The following HDAC4 variants were observed in gnomAD, a reference collection of about 807,000 sequenced individuals.
The protein encoded by HDAC4 is histone deacetylase A.
HDAC4 carries 16 observed loss-of-function variants against 135.1 expected under a neutral mutation model. The ratio of observed to expected loss-of-function variants is 0.12; its 90% confidence interval spans 0.08 to 0.18. The LOEUF (loss-of-function observed/expected upper bound fraction) is 0.18. HDAC4 is among the 10% of genes least tolerant of loss of function. The pLI is 1.00. For synonymous variants in HDAC4, 685 were observed against 653.4 expected (o/e 1.05, Z -0.74); for missense variants, 1,143 against 1,511.8 (o/e 0.76, Z 4.05).
chr2:239,327,026 G>T (rs2053489237), intron 2 of HDAC4, among the ~76,000 whole-genome samples: 1 of 152,220 alleles, frequency 6.6e-6, no homozygotes, highest in African/African-American at 2.4e-5. Context: ...ATCACTCACT[G>T]GCGGTGCACC....
chr2:239,120,398 C>CACACAGACGCACACACAG, intron 12 of HDAC4, among the ~76,000 whole-genome samples: 1 of 148,146 alleles, frequency 6.8e-6, no homozygotes, highest in South Asian at 2.3e-4. Flanking sequence ...CACAGACGCA[C>CACACAGACGCACACACAG]ACAGACACAC....
chr2:239,060,812 TGCCCCG>T (rs1362031832), intron 24 of HDAC4, among the ~76,000 whole-genome samples: 1 of 152,238 alleles, frequency 6.6e-6, no homozygotes, highest in African/African-American at 2.4e-5. Context: ...AGCCCGCACC[TGCCCCG>T]GCCCGGGCCC....
rs1252356910 is a variant in HDAC4 at position 239,050,805 on chromosome 2, AACGTG to A, written c.*2287_*2291del. On this transcript the variant is annotated 3_prime_UTR_variant, in exon 27 of 27. Coordinates refer to ENST00000543185, the MANE Select transcript of HDAC4 (RefSeq NM_001378414.1). ...GTGCTGGAAAATAAGTTACCAGTAA[AACGTG>A]ACTGTCAGTTACTGTTGAAGAGAAA... is the stretch of plus-strand genomic sequence containing the variant. 2 of 152,626 alleles carry A rather than the reference AACGTG, an allele frequency of 1.3e-5. No homozygotes were observed. Among genetic ancestry groups the A allele is most frequent in the African/African-American group, 4.8e-5 (2 of 41,438 alleles). The allele number at this position is 152,626 out of a possible 1,614,324, so 9.5% of individuals were successfully genotyped here.
rs189667838 is a variant in HDAC4 at position 239,252,980 on chromosome 2, C to T, written c.23-16316G>A. 3.9e-3 allele frequency among the ~76,000 whole-genome samples: 595 copies of T among 152,348 alleles called. 3 individuals are homozygous for T. The highest frequency in any genetic ancestry group is 6.6e-3 in the Non-Finnish European group (452 of 68,022). On this transcript the variant is annotated intron_variant, in intron 2 of 26. Transcript: ENST00000543185. The stretch of plus-strand genomic sequence containing the variant: ...GGAGAGCCCGCTGGCCACGGCGGCC[C>T]GCACTGCACACTTCCTAGCAGGCTT...
rs1166084091 is a variant in HDAC4 at position 239,331,895 on chromosome 2, G to A, written c.22+20783C>T. Among the ~76,000 whole-genome samples the A allele has an allele frequency of 2.0e-5, 3 of 152,162 alleles. No homozygotes were observed. Among genetic ancestry groups the A allele is most frequent in the African/African-American group, 7.2e-5 (3 of 41,432 alleles). ...GAAACGAACGCCAGACTGAGCGTGGGGGTGAGGAGAGCCCCGTGCCAGGAG... is the reference window on the plus strand; with the variant it reads ...GAAACGAACGCCAGACTGAGCGTGGAGGTGAGGAGAGCCCCGTGCCAGGAG... On this transcript the variant is annotated intron_variant, in intron 2 of 26. Coordinates refer to ENST00000543185, the MANE Select transcript of HDAC4 (RefSeq NM_001378414.1). This position sits in a 1 kb window ranked among gnomAD's most constrained non-coding sequence, Gnocchi z 4.5.
chr2:239,075,092 C>T (rs371996259), intron 22 of HDAC4, among the ~76,000 whole-genome samples: 21 of 151,792 alleles, frequency 1.4e-4, no homozygotes, highest in African/African-American at 3.9e-4. Flanking sequence ...GGCGTGGTGG[C>T]GGGTGCCTGT....
intron 3 of HDAC4, among the ~76,000 whole-genome samples, chr2:239,194,928 C>T (rs2045271664): frequency 6.6e-6 from 1 of 152,210 alleles, no homozygotes; most frequent in Non-Finnish European, 1.5e-5. Flanking sequence ...AGTTACTCCT[C>T]GCAGATCTGT....
chr2:239,397,572 CCTT>C (rs1476344996), intron 1 of HDAC4, among the ~76,000 whole-genome samples: 1 of 152,154 alleles, frequency 6.6e-6, no homozygotes, highest in East Asian at 1.9e-4. Context: ...CCCTGACCCT[CCTT>C]CTAGGAAGTG....
chr2:239,367,672 T>A (rs1694310040), intron 1 of HDAC4, among the ~76,000 whole-genome samples: 1 of 152,202 alleles, frequency 6.6e-6, no homozygotes, highest in Non-Finnish European at 1.5e-5. Context: ...TCACATTATA[T>A]GTATAAGGTG....
chr2:239,133,679 C>T (rs1575143486), intron 11 of HDAC4, among the ~76,000 whole-genome samples: 1 of 152,152 alleles, frequency 6.6e-6, no homozygotes, highest in South Asian at 2.1e-4. Context: ...GTTAGTCAGG[C>T]TGGTCTTGAA....
intron 19 of HDAC4, chr2:239,085,731 G>A (rs561105421): frequency 7.8e-4 from 118 of 152,178 alleles, no homozygotes; most frequent in African/African-American, 2.8e-3. Context: ...AGGACACTCT[G>A]CTCTAACACG....
chr2:239,090,946 A>G, intron 17 of HDAC4, among the ~76,000 whole-genome samples: 1 of 152,046 alleles, frequency 6.6e-6, no homozygotes, highest in East Asian at 1.9e-4. Context: ...GAAGCTCCAC[A>G]TGTTGACCAG....
intron 2 of HDAC4, among the ~76,000 whole-genome samples, chr2:239,325,849 C>G (rs113819187): frequency 4.7e-4 from 72 of 152,176 alleles, no homozygotes; most frequent in African/African-American, 1.6e-3. Flanking sequence ...TCTGTAGTCC[C>G]AGCTACTCGG....
chr2:239,159,646 C>T (rs1292549734), intron 6 of HDAC4, among the ~76,000 whole-genome samples: 1 of 152,070 alleles, frequency 6.6e-6, no homozygotes, highest in Admixed American at 6.6e-5. Context: ...CCCCCATTCA[C>T]ACCCTACACT....
At chr2:239,143,758 GC>G (rs1405503183) in intron 8 of HDAC4, among the ~76,000 whole-genome samples, 1 of 152,200 alleles carries the variant, frequency 6.6e-6, no homozygotes, top group Non-Finnish European at 1.5e-5. Flanking sequence ...CCCCTCCCCG[GC>G]TTCCCTAGGT....
At chr2:239,121,010 T>TTC (rs1375474615) in intron 12 of HDAC4, among the ~76,000 whole-genome samples, 1 of 151,710 alleles carries the variant, frequency 6.6e-6, no homozygotes, top group African/African-American at 2.4e-5. Flanking sequence ...CTTTTTTTTT[T>TTC]TTTTTGAGAC....
At chr2:239,061,233 G>A (rs1028757250) in intron 24 of HDAC4, among the ~76,000 whole-genome samples, 2 of 151,898 alleles carry the variant, frequency 1.3e-5, no homozygotes, top group African/African-American at 4.8e-5. Context: ...GTGTGTGCAC[G>A]TGAGACTGTG....
At chr2:239,324,018 G>A (rs1334171648) in intron 2 of HDAC4, among the ~76,000 whole-genome samples, 1 of 152,158 alleles carries the variant, frequency 6.6e-6, no homozygotes, top group Non-Finnish European at 1.5e-5. Context: ...CATGCGCTAC[G>A]GTATGCACTG....
At chr2:239,353,202 C>T (rs540647808) in intron 1 of HDAC4, among the ~76,000 whole-genome samples, 6 of 152,030 alleles carry the variant, frequency 3.9e-5, no homozygotes, top group African/African-American at 1.2e-4. Context: ...TTAGTAGAAA[C>T]GGGGTTTTGC....
Sources: allele counts gnomAD v4.1 joint callset (sites outside exome capture counted in the v4.1 genomes callset), GRCh38; gene constraint gnomAD v4.1.1; non-coding constraint Gnocchi (gnomAD v3.1); transcripts MANE v1.5; gene names NCBI Gene and HGNC (gene_info 2026-07-23, HGNC 2026-07-21).